Variants in AATK observed in about 807,000 individuals in gnomAD.
AATK encodes the protein serine/threonine-protein kinase LMTK1.
Under a neutral mutation model 114.3 loss-of-function variants are expected in AATK, and 91 were observed. That is an observed-to-expected ratio of 0.80 (90% CI 0.67 to 0.95). The LOEUF is 0.95. Ranked by LOEUF, AATK falls within the 40% of genes least tolerant of loss-of-function variation. AATK has a pLI of 0.00. For missense variants in AATK, 2,176 were observed against 1,965.2 expected, an observed-to-expected ratio of 1.11 and a Z score of -2.03; for synonymous variants, 1,075 against 916.5, an observed-to-expected ratio of 1.17 and a Z score of -3.12.
chr17:81,130,957 G>T, intron 3 of AATK, 104 bp downstream of exon 3: 1 of 1,385,436 alleles, frequency 7.2e-7, no homozygotes, highest in Non-Finnish European at 9.7e-7. Context: ...GCCCTGTGCT[G>T]CCCCCACTCC....
rs1360844696 is a variant in AATK, at chr17:81,134,412, T to C, written c.145A>G (p.Met49Val). 6.2e-7 allele frequency: 1 copy of C among 1,613,174 alleles called. No individual in the cohort carries two copies. The highest frequency in any genetic ancestry group is 1.1e-5 in the South Asian group (1 of 91,070). Residue 49 changes from methionine to valine, a missense_variant, in exon 2 of 14, where the codon ATG (methionine) becomes GTG (valine). Physicochemically the swap from Met to Val is conservative, Grantham distance 21 (BLOSUM62 1). Transcript: ENST00000326724. ...TTCTTACAGCACAGGCAGGCCAGCA[T>C]GAGGACGATGACGGCGAAGAGCCCG... is the stretch of plus-strand genomic sequence containing the variant. ...FSGLFAVIVLMLACLCCKKGG... is the reference protein window; with the variant it reads ...FSGLFAVIVLVLACLCCKKGG...
rs2060698741 is a variant in AATK, at chr17:81,121,456, G to A, written c.2480C>T (p.Pro827Leu). The change falls in exon 11 of 14, where the codon CCC becomes CTC. Residue 827 changes from proline (P) to leucine (L), a missense_variant. Pro to Leu is a moderately conservative substitution (Grantham distance 98). Around this residue, in one of 4 missense-constraint regions of AATK, gnomAD observed 1,701 missense variants for 1,394.7 expected, o/e 1.22. Coordinates refer to ENST00000326724, the MANE Select transcript of AATK (RefSeq NM_001080395.3). The stretch of plus-strand genomic sequence containing the variant: ...CACCTCGCCACCAGTAGCAGGCGTG[G>A]GAGAGTCAGGCAGGGCATCAGGGGC... Reference protein sequence around the residue: ...PDAPDALPDSPTPATGGEVSA... With the variant: ...PDAPDALPDSLTPATGGEVSA... 1 of 1,590,742 alleles carries A rather than the reference G, an allele frequency of 6.3e-7. No homozygotes were observed. Among genetic ancestry groups the A allele is most frequent in the African/African-American group, 1.3e-5 (1 of 74,692 alleles).
chr17:81,119,573 C>G lies in AATK; in HGVS notation c.3891G>C (p.Gly1297=), dbSNP rs764166071. The change falls in exon 13 of 14, where the codon GGG becomes GGC. Residue 1297 remains glycine (G), a synonymous_variant. Transcript: ENST00000326724. ...GCGGGAAGTCGTCGTCCCACGCGAACCCACCACCTGCAGCCCAGGTCGCGG... is the reference window on the plus strand; with the variant it reads ...GCGGGAAGTCGTCGTCCCACGCGAAGCCACCACCTGCAGCCCAGGTCGCGG... ...PNGSTAEEGG[G]FAWDDDFPLM... 5.1e-6 allele frequency: 8 copies of G among 1,571,312 alleles called. No individual in the cohort carries two copies. In the East Asian group the frequency reaches 1.9e-4, roughly 38 times the overall value.
rs1250925336 is a variant in AATK, at chr17:81,122,609, C to T, written c.1327G>A (p.Ala443Thr). 2.8e-6 allele frequency: 4 copies of T among 1,422,038 alleles called. No individual in the cohort carries two copies. Among genetic ancestry groups the T allele is most frequent in the South Asian group, 2.7e-5 (2 of 73,688 alleles). The allele number at this position is 1,422,038 out of a possible 1,614,324, so 88.1% of individuals were successfully genotyped here. Residue 443 changes from alanine (A) to threonine (T), a missense_variant, in exon 11 of 14, where the codon GCT becomes ACT. Ala to Thr is a moderately conservative substitution (Grantham distance 58). Coordinates refer to ENST00000326724, the MANE Select transcript of AATK (RefSeq NM_001080395.3). ...TCCAGCAGCGGGAAGGACGAGGCAG[C>T]GGCGAGCTCCACCACGCCGCCCAGC... ...PMLGGVVELA[A>T]ASSFPLLEQF...
intron 1 of AATK, among the ~76,000 whole-genome samples, chr17:81,136,879 GC>G (rs1181436783): frequency 2.0e-5 from 3 of 152,172 alleles, no homozygotes; most frequent in Non-Finnish European, 4.4e-5. Flanking sequence ...CCCTACCAGT[GC>G]CCAGAGCAGC....
chr17:81,156,118 CTATGTTA>C (rs1567827634), intron 1 of AATK, among the ~76,000 whole-genome samples: 5 of 102,470 alleles, frequency 4.9e-5, no homozygotes, highest in Admixed American at 8.4e-5. Flanking sequence ...ATGTATGTTA[CTATGTTA>C]CAATGTATGT....
intron 2 of AATK, among the ~76,000 whole-genome samples, 186 bp downstream of exon 2, chr17:81,134,182 C>T (rs1173149678): frequency 6.6e-6 from 1 of 152,182 alleles, no homozygotes; most frequent in Non-Finnish European, 1.5e-5. Context: ...TGGGGCAGGT[C>T]CCTGAGGAGG....
At chr17:81,165,894 C>A in intron 1 of AATK, 44 bp downstream of exon 1, 8 of 1,556,608 alleles carry the variant, frequency 5.1e-6, no homozygotes, top group Non-Finnish European at 6.9e-6. Flanking sequence ...ACGTCCGCAG[C>A]GGAGGGAGGC....
At chr17:81,165,432 G>C (rs1224130986) in intron 1 of AATK, 3 of 330,486 alleles carry the variant, frequency 9.1e-6, no homozygotes, top group Non-Finnish European at 1.8e-5. Flanking sequence ...TCTGCCCACT[G>C]GGCTCTGTAA....
intron 1 of AATK, among the ~76,000 whole-genome samples, chr17:81,147,561 C>T (rs1217475897): frequency 6.6e-6 from 1 of 152,020 alleles, no homozygotes; most frequent in Admixed American, 6.6e-5. Flanking sequence ...TTGAGACTAG[C>T]CTGGCCAGCA....
intron 1 of AATK, among the ~76,000 whole-genome samples, chr17:81,136,472 G>A (rs566182243): frequency 1.7e-4 from 26 of 152,164 alleles, no homozygotes; most frequent in African/African-American, 5.5e-4. Flanking sequence ...CCCCCGAATG[G>A]AGGCAGCTGG....
intron 10 of AATK, 99 bp from the exon 11 acceptor site, chr17:81,122,922 G>C (rs1443750519): frequency 4.4e-6 from 5 of 1,127,530 alleles, no homozygotes; most frequent in Admixed American, 6.5e-5. Flanking sequence ...CAGTGTCTTG[G>C]GGGCATTAAG....
At chr17:81,164,335 A>T (rs2061460316) in intron 1 of AATK, among the ~76,000 whole-genome samples, 1 of 152,116 alleles carries the variant, frequency 6.6e-6, no homozygotes, top group African/African-American at 2.4e-5. Flanking sequence ...CCAGCCCCTT[A>T]ATCCGAAGGA....
At chr17:81,165,885 C>A in intron 1 of AATK, 53 bp downstream of exon 1, 1 of 1,550,320 alleles carries the variant, frequency 6.5e-7, no homozygotes, top group African/African-American at 1.4e-5. Context: ...AGGGGCATCA[C>A]GTCCGCAGCG....
intron 1 of AATK, among the ~76,000 whole-genome samples, chr17:81,154,277 T>G (rs1158329331): frequency 6.6e-6 from 1 of 151,594 alleles, no homozygotes. Flanking sequence ...CCATATACCC[T>G]TTTTCATAAA....
In AATK at chr17:81,121,426, G is replaced by C. The variant is rs372570290; in HGVS notation, c.2510C>G (p.Ala837Gly). 1 of 1,604,584 alleles carries C rather than the reference G, an allele frequency of 6.2e-7. No individual in the cohort carries two copies. The highest frequency in any genetic ancestry group is 1.1e-5 in the South Asian group (1 of 89,728). Residue 837 changes from alanine to glycine, a missense_variant, in exon 11 of 14, where the codon GCC becomes GGC. Ala to Gly is a moderately conservative substitution (Grantham distance 60, BLOSUM62 0). Coordinates refer to ENST00000326724, the MANE Select transcript of AATK (RefSeq NM_001080395.3). ...ATTCAGGGCAGAAGCCAGCTTGATGGCAGACACCTCGCCACCAGTAGCAGG... is the reference window on the plus strand; with the variant it reads ...ATTCAGGGCAGAAGCCAGCTTGATGCCAGACACCTCGCCACCAGTAGCAGG... The part of the protein sequence containing the change: ...PTPATGGEVS[A>G]IKLASALNGS...
chr17:81,152,478 G>A (rs367602755), intron 1 of AATK, among the ~76,000 whole-genome samples: 2 of 152,094 alleles, frequency 1.3e-5, no homozygotes, highest in Admixed American at 1.3e-4. Context: ...CAGCTTGTTG[G>A]GAGGCTGAGG....
At position 81,165,934 on chromosome 17, in the gene AATK, T is replaced by A; in HGVS notation, c.55+4A>T. The A allele has an allele frequency of 1.3e-6, 2 of 1,578,990 alleles. No individual in the cohort carries two copies. Among genetic ancestry groups the A allele is most frequent in the Non-Finnish European group, 1.7e-6 (2 of 1,164,124 alleles). ...GCGCGCAGGCCGGGCCGCCAGGGAC[T>A]CACCGGGGTCGAAGTGCGAGCTGAA... On this transcript the variant is annotated splice_donor_region_variant and intron_variant, in intron 1 of 13. Coordinates refer to ENST00000326724, the MANE Select transcript of AATK (RefSeq NM_001080395.3).
At chr17:81,160,234 AC>A in intron 1 of AATK, 3 of 984,654 alleles carry the variant, frequency 3.0e-6, no homozygotes, top group Non-Finnish European at 3.6e-6. Context: ...ACCCCCACGT[AC>A]CAGGCTCTGG....
Sources: allele counts gnomAD v4.1 joint callset (sites outside exome capture counted in the v4.1 genomes callset), GRCh38; gene constraint gnomAD v4.1.1; regional missense constraint gnomAD v4.1.1; transcripts MANE v1.5; gene names NCBI Gene and HGNC (gene_info 2026-07-23, HGNC 2026-07-21).